Variants in RTL4 observed in about 807,000 individuals in gnomAD.
RTL4 encodes retrotransposon Gag-like protein 4.
A neutral mutation model predicts 5.3 loss-of-function variants in RTL4; 4 were observed. The ratio of observed to expected loss-of-function variants is 0.75; its 90% confidence interval spans 0.37 to 1.72. RTL4 has a LOEUF of 1.72. RTL4 is among the 40% of genes most tolerant of loss of function. The pLI, the probability that RTL4 is intolerant of heterozygous loss-of-function variation, is 0.04. For synonymous variants in RTL4, 98 were observed against 87.3 expected, an observed-to-expected ratio of 1.12 and a Z score of -0.68; for missense variants, 260 against 227.1, an observed-to-expected ratio of 1.14 and a Z score of -0.93.
the RTL4 span, among the ~76,000 whole-genome samples, chrX:112,368,918 C>G: frequency 1.8e-5 from 2 of 112,432 alleles, no homozygotes; most frequent in Non-Finnish European, 3.8e-5. Flanking sequence ...GTCCCAATAA[C>G]CTAAGTCAGT....
exon 1 of RTL4, chrX:112,454,507 G>A: frequency 2.7e-6 from 1 of 365,358 alleles, no homozygotes; most frequent in Non-Finnish European, 4.7e-6. Flanking sequence ...CAGACCATTG[G>A]CCTTTTCCAT....
chrX:112,195,127 A>G, the RTL4 span, among the ~76,000 whole-genome samples: 1 of 111,750 alleles, frequency 8.9e-6, no homozygotes, highest in Admixed American at 9.5e-5. Flanking sequence ...CAGAATGTGG[A>G]TGGTCCTAAA....
At chrX:112,189,992 A>T in the RTL4 span, among the ~76,000 whole-genome samples, 1 of 111,915 alleles carries the variant, frequency 8.9e-6, no homozygotes, top group South Asian at 3.8e-4. Flanking sequence ...TTCTCTCTTC[A>T]TTTATTGAGG....
chrX:112,161,836 CCTTCCTTCCTTT>C, the RTL4 span, among the ~76,000 whole-genome samples: 73 of 35,206 alleles, frequency 2.1e-3, 1 homozygote, highest in Non-Finnish European at 2.6e-3. Flanking sequence ...TTCCTTCCTT[CCTTCCTTCCTTT>C]CTTTCTTTCT....
the RTL4 span, among the ~76,000 whole-genome samples, chrX:112,127,136 T>C: frequency 9.0e-6 from 1 of 111,548 alleles, no homozygotes; most frequent in Non-Finnish European, 1.9e-5. Flanking sequence ...CAGACCAATA[T>C]CCTTTATGAA....
chrX:112,424,758 C>T, the RTL4 span, among the ~76,000 whole-genome samples: 1 of 110,894 alleles, frequency 9.0e-6, no homozygotes, highest in South Asian at 3.8e-4. Context: ...GGTTTTTTTA[C>T]ATTAATATAT....
At chrX:112,098,352 T>C in the RTL4 span, among the ~76,000 whole-genome samples, 4 of 111,365 alleles carry the variant, frequency 3.6e-5, no homozygotes, top group Admixed American at 3.8e-4. Context: ...CTTAATCTAG[T>C]CTATCATTGT....
the RTL4 span, among the ~76,000 whole-genome samples, chrX:112,353,023 G>A: frequency 9.0e-6 from 1 of 111,619 alleles, no homozygotes; most frequent in African/African-American, 3.3e-5. Context: ...GTGGGCAAAG[G>A]ATATGAACAG....
At chrX:112,204,540 A>G in the RTL4 span, among the ~76,000 whole-genome samples, 1 of 111,997 alleles carries the variant, frequency 8.9e-6, no homozygotes, top group East Asian at 2.8e-4. Flanking sequence ...AATGGAGATC[A>G]TTATGTTAAG....
At chrX:112,120,566 C>T in the RTL4 span, among the ~76,000 whole-genome samples, 4 of 106,450 alleles carry the variant, frequency 3.8e-5, no homozygotes, top group Non-Finnish European at 7.7e-5. Context: ...CGTGAGCCAC[C>T]ACGCCCGGCT....
chrX:112,267,038 C>A, the RTL4 span, among the ~76,000 whole-genome samples: 1 of 111,887 alleles, frequency 8.9e-6, no homozygotes, highest in African/African-American at 3.2e-5. Context: ...TAATCTCCTG[C>A]ATCAGTGGAG....
At chrX:112,207,455 C>T in the RTL4 span, among the ~76,000 whole-genome samples, 2 of 111,656 alleles carry the variant, frequency 1.8e-5, no homozygotes, top group Non-Finnish European at 3.8e-5. Context: ...TTGTTTCAGG[C>T]TGAAAAATTT....
At chrX:112,354,229 A>T in the RTL4 span, among the ~76,000 whole-genome samples, 1 of 110,928 alleles carries the variant, frequency 9.0e-6, no homozygotes, top group Non-Finnish European at 1.9e-5. Context: ...ATGGACTTGG[A>T]ACCAGGCTGC....
chrX:112,150,642 C>G, the RTL4 span, among the ~76,000 whole-genome samples: 1 of 111,586 alleles, frequency 9.0e-6, no homozygotes, highest in African/African-American at 3.3e-5. Context: ...TCTATGAAAT[C>G]TCTGTATTTA....
the RTL4 span, among the ~76,000 whole-genome samples, chrX:112,137,045 A>T: frequency 8.9e-6 from 1 of 111,972 alleles, no homozygotes; most frequent in Non-Finnish European, 1.9e-5. Context: ...TGCACAACAA[A>T]GGAAACAATT....
At chrX:112,404,860 C>G in the RTL4 span, among the ~76,000 whole-genome samples, 1 of 112,172 alleles carries the variant, frequency 8.9e-6, no homozygotes, top group Non-Finnish European at 1.9e-5. Context: ...AAGTATAATA[C>G]CTGGACAGAT....
At chrX:112,393,167 T>G in the RTL4 span, among the ~76,000 whole-genome samples, 1 of 96,891 alleles carries the variant, frequency 1.0e-5, no homozygotes, top group South Asian at 4.3e-4. Flanking sequence ...TTTTGTTTTT[T>G]TTTTTTGTTT....
the RTL4 span, among the ~76,000 whole-genome samples, chrX:112,291,679 C>T: frequency 9.1e-6 from 1 of 110,248 alleles, no homozygotes; most frequent in African/African-American, 3.3e-5. Context: ...TCATTGCAAG[C>T]TCTGCCTCCC....
the RTL4 span, among the ~76,000 whole-genome samples, chrX:112,342,361 A>C: frequency 1.8e-5 from 2 of 111,656 alleles, no homozygotes; most frequent in African/African-American, 6.5e-5. Flanking sequence ...GGTCTGGAGT[A>C]GATCGTAGGC....
Sources: gnomAD v4.1 joint callset for allele counts (sites outside exome capture counted in the v4.1 genomes callset) on GRCh38, gnomAD v4.1.1 for gene constraint, MANE v1.5 for transcripts, NCBI Gene and HGNC (gene_info 2026-07-23, HGNC 2026-07-21) for gene names.